Variants in TBXAS1 observed in about 807,000 individuals in gnomAD.
TBXAS1 encodes thromboxane A synthase 1.
TBXAS1 carries 48 observed loss-of-function variants against 60.7 expected under a neutral mutation model. That is an observed-to-expected ratio of 0.79 (90% CI 0.63 to 1.01). The LOEUF (loss-of-function observed/expected upper bound fraction) is 1.01, where lower values mean the gene tolerates loss of function less well. Ranked by LOEUF, TBXAS1 falls within the 50% of genes least tolerant of loss-of-function variation. The pLI is 0.00. For missense variants in TBXAS1, 685 were observed against 686.3 expected (o/e 1.00, Z 0.02); for synonymous variants, 287 against 269.7 (o/e 1.06, Z -0.63).
chr7:139,834,973 C>A (rs1278625362), intron 1 of TBXAS1, among the ~76,000 whole-genome samples: 17 of 152,090 alleles, frequency 1.1e-4, no homozygotes, highest in Admixed American at 7.2e-4. Flanking sequence ...TTCTATGAAG[C>A]CAGTATCACC....
chr7:139,893,940 GCT>G (rs1803870818), intron 3 of TBXAS1, among the ~76,000 whole-genome samples: 1 of 152,162 alleles, frequency 6.6e-6, no homozygotes, highest in African/African-American at 2.4e-5. Flanking sequence ...TTTAGCCATA[GCT>G]CTGTTTTGGA....
Position 139,852,307 on chromosome 7 carries a change from T to A in TBXAS1, c.90-19928T>A, listed in dbSNP as rs1353338487. 6.6e-6 allele frequency among the ~76,000 whole-genome samples: 1 copy of A among 152,144 alleles called. No individual in the cohort carries two copies. Among genetic ancestry groups the A allele is most frequent in the Non-Finnish European group, 1.5e-5 (1 of 68,032 alleles). ...AGGACTCTAATAATGGAAGGGATTA[T>A]AAGTTGCAGGGAGCAGGCAAGAGGC... On this transcript the variant is annotated intron_variant, in intron 1 of 12. Transcript: ENST00000448866. This position sits in a 1 kb window ranked among gnomAD's most constrained non-coding sequence, Gnocchi z 4.4.
At chr7:139,997,360 C>G (rs778605625) in intron 9 of TBXAS1, among the ~76,000 whole-genome samples, 3 of 152,162 alleles carry the variant, frequency 2.0e-5, no homozygotes. Context: ...ACATCATATA[C>G]AGTCAGCTGT....
intron 1 of TBXAS1, among the ~76,000 whole-genome samples, chr7:139,849,202 G>T (rs1336455774): frequency 6.6e-6 from 1 of 151,884 alleles, no homozygotes; most frequent in South Asian, 2.1e-4. Context: ...AATATAGGAA[G>T]TCTCCGTCTC....
At chr7:139,901,575 C>T (rs965959044) in intron 3 of TBXAS1, among the ~76,000 whole-genome samples, 2 of 152,000 alleles carry the variant, frequency 1.3e-5, no homozygotes, top group African/African-American at 4.8e-5. Context: ...AAATATAGAG[C>T]AGGTTTTCAC....
At chr7:139,876,006 G>A (rs1802205054) in intron 3 of TBXAS1, 3 of 309,712 alleles carry the variant, frequency 9.7e-6, no homozygotes, top group Non-Finnish European at 1.9e-5. Flanking sequence ...GTGCACAGCA[G>A]GTCTTACCCC....
intron 10 of TBXAS1, among the ~76,000 whole-genome samples, chr7:140,007,991 C>T (rs1192976008): frequency 6.6e-6 from 1 of 152,150 alleles, no homozygotes; most frequent in African/African-American, 2.4e-5. Flanking sequence ...TCCCCAGACC[C>T]CTACAGAGAG....
At chr7:140,016,245 G>A (rs879869172) in intron 11 of TBXAS1, 25 of 340,250 alleles carry the variant, frequency 7.3e-5, no homozygotes, top group South Asian at 2.1e-4. Flanking sequence ...GGAGAATGGC[G>A]TGAACCCAGG....
At chr7:139,914,353 A>G (rs1457841572) in intron 4 of TBXAS1, among the ~76,000 whole-genome samples, 1 of 152,054 alleles carries the variant, frequency 6.6e-6, no homozygotes, top group Non-Finnish European at 1.5e-5. Flanking sequence ...CTTAACTTAA[A>G]AAAGAGCTGG....
chr7:139,794,568 G>T (rs1222408777), intron 4 of TBXAS1, among the ~76,000 whole-genome samples: 1 of 148,746 alleles, frequency 6.7e-6, no homozygotes, highest in African/African-American at 2.5e-5. Context: ...CATTGTGCAG[G>T]TTAGTTACAT....
At chr7:139,850,099 G>A (rs754202398) in intron 1 of TBXAS1, among the ~76,000 whole-genome samples, 6 of 152,212 alleles carry the variant, frequency 3.9e-5, no homozygotes, top group African/African-American at 7.2e-5. Flanking sequence ...TGTATCACAA[G>A]GGCTATTACA....
chr7:139,953,596 TAATA>T (rs1188865948), intron 6 of TBXAS1, 140 bp downstream of exon 6: 3 of 804,194 alleles, frequency 3.7e-6, no homozygotes, highest in Non-Finnish European at 6.1e-6. Context: ...ATGGACTGAT[TAATA>T]AAAAGAAAAG....
intron 5 of TBXAS1, 76 bp from the exon 6 acceptor site, chr7:139,953,291 TA>T: frequency 8.4e-7 from 1 of 1,192,242 alleles, no homozygotes. Context: ...GCACTACATA[TA>T]ACCTCTTCAT....
chr7:139,851,792 G>A (rs1457618921), intron 1 of TBXAS1, among the ~76,000 whole-genome samples: 1 of 152,224 alleles, frequency 6.6e-6, no homozygotes, highest in African/African-American at 2.4e-5. Flanking sequence ...GGGCACAGGT[G>A]ATGTGGTAGA....
intron 1 of TBXAS1, among the ~76,000 whole-genome samples, chr7:139,867,099 A>G (rs967475340): frequency 2.0e-5 from 3 of 152,244 alleles, no homozygotes; most frequent in African/African-American, 4.8e-5. Context: ...TTGAAACCAT[A>G]GAGTAACCAT....
intron 1 of TBXAS1, among the ~76,000 whole-genome samples, chr7:139,832,958 A>G (rs988081768): frequency 6.6e-6 from 1 of 152,240 alleles, no homozygotes; most frequent in African/African-American, 2.4e-5. Flanking sequence ...TGGTAAAAGG[A>G]GCTCCAAATC....
chr7:139,806,313 A>G (rs1018131869), intron 4 of TBXAS1, among the ~76,000 whole-genome samples: 1 of 150,048 alleles, frequency 6.7e-6, no homozygotes, highest in Non-Finnish European at 1.5e-5. Flanking sequence ...CTCAGTCTGG[A>G]GTGCAGTGGC....
intron 3 of TBXAS1, among the ~76,000 whole-genome samples, chr7:139,892,385 G>C (rs1475998677): frequency 6.6e-6 from 1 of 152,142 alleles, no homozygotes; most frequent in Admixed American, 6.5e-5. Context: ...GAGGTCAGGA[G>C]TTCGAGACCA....
intron 1 of TBXAS1, among the ~76,000 whole-genome samples, chr7:139,849,196 T>G (rs1800028408): frequency 6.6e-6 from 1 of 151,626 alleles, no homozygotes; most frequent in Admixed American, 6.6e-5. Context: ...CTGGGCAATA[T>G]AGGAAGTCTC....
Sources: gnomAD v4.1 joint callset for allele counts (sites outside exome capture counted in the v4.1 genomes callset) on GRCh38, gnomAD v4.1.1 for gene constraint, Gnocchi (gnomAD v3.1) non-coding constraint, MANE v1.5 for transcripts, NCBI Gene and HGNC (gene_info 2026-07-23, HGNC 2026-07-21) for gene names.